MAOA: variants seen among roughly 807,000 people sequenced by gnomAD.
The protein encoded by MAOA is monoamine oxidase A.
Under a neutral mutation model 42.0 loss-of-function variants are expected in MAOA, and 6 were observed. That is an observed-to-expected ratio of 0.14 (90% CI 0.08 to 0.28). MAOA has a LOEUF of 0.28. Among genes scored for constraint, MAOA ranks in the 10% least tolerant of loss-of-function variants. The probability of loss-of-function intolerance (pLI) is 1.00; values close to 1 mark genes in which losing one functional copy is unlikely to be tolerated. For missense variants in MAOA, 262 were observed against 422.3 expected (o/e 0.62, Z 3.33); for synonymous variants, 140 against 154.0 (o/e 0.91, Z 0.67).
chrX:43,707,609 A>T (rs920360500), intron 3 of MAOA, among the ~76,000 whole-genome samples: 1 of 112,042 alleles, frequency 8.9e-6, no homozygotes, highest in South Asian at 3.7e-4. Context: ...ACAACACAAA[A>T]CTACCATCCT....
At chrX:43,688,651 C>T (rs1452555297) in intron 2 of MAOA, among the ~76,000 whole-genome samples, 1 of 112,014 alleles carries the variant, frequency 8.9e-6, no homozygotes, top group Admixed American at 9.5e-5. Flanking sequence ...CTAATTTCTG[C>T]TTGAAAAGAA....
chrX:43,740,780 GTT>G, intron 11 of MAOA, 42 bp downstream of exon 11: 1 of 1,112,469 alleles, frequency 9.0e-7, no homozygotes, highest in Non-Finnish European at 1.2e-6. Context: ...GTTCTTCTCT[GTT>G]CACTATAAGT....
At chrX:43,730,756 C>A (rs1158675008) in intron 6 of MAOA, among the ~76,000 whole-genome samples, 3 of 110,726 alleles carry the variant, frequency 2.7e-5, no homozygotes, top group African/African-American at 9.9e-5. Context: ...ACGTGACTAT[C>A]CCTAAAAGCA....
intron 1 of MAOA, among the ~76,000 whole-genome samples, chrX:43,669,646 G>T (rs1242366217): frequency 1.8e-5 from 2 of 110,887 alleles, no homozygotes; most frequent in Admixed American, 9.7e-5. Context: ...ATTGGTAATG[G>T]TGGAATTTCT....
chrX:43,687,036 TGATTCA>T (rs2033493430), intron 2 of MAOA, among the ~76,000 whole-genome samples: 1 of 111,554 alleles, frequency 9.0e-6, no homozygotes. Flanking sequence ...TTTCCTAATG[TGATTCA>T]TCCATGATTC....
At chrX:43,719,994 G>C (rs1336385536) in intron 5 of MAOA, among the ~76,000 whole-genome samples, 1 of 110,334 alleles carries the variant, frequency 9.1e-6, no homozygotes, top group Non-Finnish European at 1.9e-5. Context: ...ACAGGGAAGA[G>C]TAGATAGTTC....
chrX:43,716,867 A>C (rs755687822), intron 5 of MAOA, among the ~76,000 whole-genome samples: 3 of 110,405 alleles, frequency 2.7e-5, no homozygotes, highest in Non-Finnish European at 3.8e-5. Flanking sequence ...TCAAGGAATG[A>C]CCCACATGGG....
chrX:43,657,723 T>C (rs947453409), intron 1 of MAOA: 1 of 123,344 alleles, frequency 8.1e-6, no homozygotes, highest in African/African-American at 3.2e-5. Context: ...AAGAGAAAGC[T>C]GATGGGAGGG....
intron 8 of MAOA, 29 bp downstream of exon 8, chrX:43,731,882 G>T (rs767396299): frequency 1.7e-6 from 2 of 1,155,455 alleles, no homozygotes; most frequent in Admixed American, 4.4e-5. Context: ...TGTTTAAACT[G>T]TATTATATGA....
chrX:43,656,203 A>T (rs1285459647), upstream of MAOA: 4 of 539,142 alleles, frequency 7.4e-6, no homozygotes, highest in Admixed American at 2.8e-5. Flanking sequence ...CCCCGCCCAC[A>T]GTGCCCGGCT....
chrX:43,682,567 G>A (rs1325300520), intron 1 of MAOA, among the ~76,000 whole-genome samples: 1 of 111,835 alleles, frequency 8.9e-6, no homozygotes, highest in South Asian at 3.7e-4. Context: ...ATAAGTAAAT[G>A]ATTGAAAAAG....
At position 43,708,017 on chromosome X, in the gene MAOA, C is replaced by T. The variant is rs757319036; in HGVS notation, c.307-3855C>T. On this transcript the variant is annotated intron_variant, in intron 3 of 14. Coordinates refer to ENST00000338702, the MANE Select transcript of MAOA (RefSeq NM_000240.4). ...AGAATTATGTGGGAGCCATAAACTG[C>T]CATCTCCTGGCAATAGTCTCCTGTT... is the stretch of plus-strand genomic sequence containing the variant. Among the ~76,000 whole-genome samples, 8 of 111,921 alleles carry T rather than the reference C, an allele frequency of 7.1e-5. No individual in the cohort carries two copies. In the South Asian group the frequency reaches 1.5e-3, roughly 21 times the overall value.
At chrX:43,694,589 A>G (rs1375695984) in intron 3 of MAOA, among the ~76,000 whole-genome samples, 1 of 112,217 alleles carries the variant, frequency 8.9e-6, no homozygotes, top group African/African-American at 3.2e-5. Context: ...AATTTCACAA[A>G]GTATTTAGGA....
intron 3 of MAOA, among the ~76,000 whole-genome samples, chrX:43,693,740 G>A (rs2033555016): frequency 9.2e-6 from 1 of 108,362 alleles, no homozygotes; most frequent in Admixed American, 9.9e-5. Context: ...GCATTTGAAG[G>A]CCACAGGGGT....
chrX:43,657,588 G>A (rs1427275629), intron 1 of MAOA, among the ~76,000 whole-genome samples: 2 of 110,721 alleles, frequency 1.8e-5, no homozygotes, highest in Non-Finnish European at 1.9e-5. Context: ...TGCCATCATT[G>A]GTAAAATGTT....
chrX:43,692,538 G>A (rs1425941243), intron 2 of MAOA, among the ~76,000 whole-genome samples: 1 of 108,665 alleles, frequency 9.2e-6, no homozygotes, highest in Non-Finnish European at 1.9e-5. Context: ...AAATAATCAG[G>A]CAAACAAGGA....
At position 43,670,716 on chromosome X, in the gene MAOA, C is replaced by G. The variant is rs775003988; in HGVS notation, c.74-12797C>G. Among the ~76,000 whole-genome samples, 214 of 105,013 alleles carry G rather than the reference C, an allele frequency of 2.0e-3. 1 individual carries two copies. Among genetic ancestry groups the G allele is most frequent in the African/African-American group, 7.2e-3 (206 of 28,664 alleles). The allele number at this position is 105,013 out of a possible 115,157, so 91.2% of individuals were successfully genotyped here. A position where few individuals can be genotyped will look rare whatever the true frequency, so the allele number is the denominator to read the frequency against. ...TGCGGTGTTTGGTTTTTTGTCCTTG[C>G]GATAGTTTACTGAGAATGATGATTT... On this transcript the variant is annotated intron_variant, in intron 1 of 14. Coordinates refer to ENST00000338702, the MANE Select transcript of MAOA (RefSeq NM_000240.4).
intron 5 of MAOA, among the ~76,000 whole-genome samples, chrX:43,724,103 C>T (rs977809034): frequency 4.5e-5 from 5 of 111,334 alleles, no homozygotes; most frequent in Admixed American, 3.8e-4. Flanking sequence ...TGAGGATTTT[C>T]GCATCAATGT....
intron 6 of MAOA, among the ~76,000 whole-genome samples, chrX:43,730,162 C>T (rs913928684): frequency 9.7e-6 from 1 of 103,315 alleles, no homozygotes; most frequent in African/African-American, 3.6e-5. Flanking sequence ...CCATTGCATG[C>T]CAGCTTGGGC....
Sources: gnomAD v4.1 joint callset for allele counts (sites outside exome capture counted in the v4.1 genomes callset) on GRCh38, gnomAD v4.1.1 for gene constraint, MANE v1.5 for transcripts, NCBI Gene and HGNC (gene_info 2026-07-23, HGNC 2026-07-21) for gene names.